Variants in COL6A5 observed in about 807,000 individuals in gnomAD.
The protein encoded by COL6A5 is collagen alpha-5(VI) chain.
In COL6A5, 48 loss-of-function variants were observed where a neutral mutation model predicts 65.6. The ratio of observed to expected loss-of-function variants is 0.73; its 90% CI spans 0.58 to 0.93. The LOEUF is 0.93. COL6A5 is among the 40% of genes least tolerant of loss of function. The pLI is 0.00. For missense variants in COL6A5, 914 were observed against 928.3 expected (o/e 0.98, Z 0.20); for synonymous variants, 291 against 322.8 (o/e 0.90, Z 1.05).
chr3:130,363,561 T>C (rs1482009186), intron 1 of COL6A5, among the ~76,000 whole-genome samples: 1 of 152,204 alleles, frequency 6.6e-6, no homozygotes, highest in Non-Finnish European at 1.5e-5. Context: ...CCCAGCAGGT[T>C]GAGTTCTGGT....
intron 3 of COL6A5, among the ~76,000 whole-genome samples, chr3:130,441,573 A>T (rs1709182112): frequency 6.6e-6 from 1 of 152,174 alleles, no homozygotes. Flanking sequence ...GTCTGCAAAG[A>T]ACTAGAAATA....
At chr3:130,460,788 A>T (rs1709685768) in intron 5 of COL6A5, among the ~76,000 whole-genome samples, 2 of 151,120 alleles carry the variant, frequency 1.3e-5, no homozygotes, top group Admixed American at 1.3e-4. Context: ...TGATGGAGAT[A>T]AAAGTATGAA....
exon 8 of COL6A5, chr3:130,484,204 A>G (rs971733209): frequency 1.5e-6 from 1 of 687,500 alleles, no homozygotes; most frequent in Non-Finnish European, 2.3e-6. Context: ...TTTGTTCTCC[A>G]TCTCAAATCT....
intron 1 of COL6A5, among the ~76,000 whole-genome samples, chr3:130,364,212 A>G (rs1166842109): frequency 1.3e-5 from 2 of 152,182 alleles, no homozygotes; most frequent in Non-Finnish European, 2.9e-5. Flanking sequence ...CAGAAAAATA[A>G]TTTCTAATTT....
At chr3:130,402,437 G>A (rs867759855) in intron 12 of COL6A5, among the ~76,000 whole-genome samples, 21 of 152,150 alleles carry the variant, frequency 1.4e-4, no homozygotes, top group Non-Finnish European at 2.1e-4. Context: ...AATAAAATAT[G>A]TCAATGAAAA....
intron 5 of COL6A5, among the ~76,000 whole-genome samples, chr3:130,466,470 A>C (rs546039183): frequency 2.0e-5 from 3 of 152,154 alleles, no homozygotes; most frequent in Admixed American, 6.5e-5. Flanking sequence ...CCACTTAAGC[A>C]GTACTTACGG....
Position 130,401,911 on chromosome 3 carries a change from G to T in COL6A5, c.4227+57G>T, listed in dbSNP as rs533777656. On this transcript the variant is annotated intron_variant and NMD_transcript_variant, in intron 12 of 41. Transcript: ENST00000312481. ...ATGTGCCTTGATTTGGTACAGGTGGGACTGAGACTGAGTGGTTGAATTTAC... is the reference window on the plus strand; with the variant it reads ...ATGTGCCTTGATTTGGTACAGGTGGTACTGAGACTGAGTGGTTGAATTTAC... 1.5e-5 allele frequency: 18 copies of T among 1,223,166 alleles called. 1 individual carries two copies. In the Admixed American group the frequency reaches 3.4e-4, roughly 23 times the overall value. 75.8% of individuals were successfully genotyped at this position (1,223,166 alleles called of 1,614,324 possible).
At chr3:130,384,849 G>C in exon 5 of COL6A5, 2 of 1,550,244 alleles carry the variant, frequency 1.3e-6, no homozygotes. Flanking sequence ...CTCATTGATG[G>C]CTCAAGCAGC....
chr3:130,405,862 T>A, intron 14 of COL6A5, 131 bp from the exon 15 acceptor site: 1 of 992,188 alleles, frequency 1.0e-6, no homozygotes, highest in Non-Finnish European at 1.5e-6. Context: ...ATAAATTGCA[T>A]CTCTAACCTC....
chr3:130,376,671 G>A (rs772943230), exon 3 of COL6A5: 37 of 1,613,420 alleles, frequency 2.3e-5, no homozygotes, highest in Admixed American at 3.3e-5. Flanking sequence ...TATCTCCGTG[G>A]GGGTGCAGAA....
chr3:130,393,877 G>A (rs1038186607), intron 7 of COL6A5, among the ~76,000 whole-genome samples: 2 of 152,202 alleles, frequency 1.3e-5, no homozygotes, highest in African/African-American at 2.4e-5. Flanking sequence ...TCTCTATAGT[G>A]AGACAGACCC....
At chr3:130,436,238 T>G (rs2107698920) in intron 1 of COL6A5, among the ~76,000 whole-genome samples, 1 of 151,000 alleles carries the variant, frequency 6.6e-6, no homozygotes, top group South Asian at 2.1e-4. Context: ...CTTTTAATAG[T>G]TTAATATATT....
intron 7 of COL6A5, among the ~76,000 whole-genome samples, chr3:130,476,288 G>A (rs192825287): frequency 5.3e-4 from 81 of 152,096 alleles, no homozygotes; most frequent in Non-Finnish European, 1.0e-3. Flanking sequence ...TAAAATCAGG[G>A]CTTCACCCTT....
At position 130,483,519 on chromosome 3, in the gene COL6A5, G is replaced by A. The variant is rs552543252; in HGVS notation, c.2329-516G>A. Among the ~76,000 whole-genome samples, 445 of 152,276 alleles carry A rather than the reference G, an allele frequency of 2.9e-3. 1 individual carries two copies. Among genetic ancestry groups the A allele is most frequent in the African/African-American group, 9.3e-3 (385 of 41,572 alleles). ...TGCTGTGGAGAGAATGTAAACTCCA[G>A]GTGCTCATAGTGCATGTAGTTAAAG... On this transcript the variant is annotated intron_variant, in intron 7 of 7. Coordinates refer to ENST00000512836, the Ensembl canonical transcript of COL6A5.
rs143820188 is a variant in COL6A5, at chr3:130,358,780, A to C, written c.-29+12799A>C. On this transcript the variant is annotated intron_variant and NMD_transcript_variant, in intron 1 of 41. Transcript: ENST00000312481. Reference sequence around the variant, plus strand: ...TTGCTGCAGTTGTCTAATATTGGCCATAATTTTAGATATACATTCGTTTTG... The same window carrying C: ...TTGCTGCAGTTGTCTAATATTGGCCCTAATTTTAGATATACATTCGTTTTG... Among the ~76,000 whole-genome samples, 11 of 152,344 alleles carry C rather than the reference A, an allele frequency of 7.2e-5. No homozygotes were observed. In the East Asian group the frequency reaches 1.3e-3, roughly 19 times the overall value.
intron 1 of COL6A5, among the ~76,000 whole-genome samples, chr3:130,372,638 G>A (rs1332249899): frequency 2.0e-5 from 3 of 152,138 alleles, no homozygotes; most frequent in African/African-American, 7.2e-5. Context: ...GAGAAAGCAA[G>A]TAGATCAGTG....
chr3:130,419,329 G>T (rs989583475), intron 25 of COL6A5, among the ~76,000 whole-genome samples: 1 of 152,140 alleles, frequency 6.6e-6, no homozygotes, highest in Non-Finnish European at 1.5e-5. Context: ...ACATTTTTAT[G>T]CCTGCACTCT....
At chr3:130,394,891 C>A in exon 8 of COL6A5, 2 of 1,545,892 alleles carry the variant, frequency 1.3e-6, no homozygotes, top group South Asian at 2.4e-5. Context: ...CTATTGCAGT[C>A]TGTCATCTTC....
intron 1 of COL6A5, among the ~76,000 whole-genome samples, chr3:130,434,228 G>A (rs894480490): frequency 6.6e-6 from 1 of 152,088 alleles, no homozygotes; most frequent in Non-Finnish European, 1.5e-5. Flanking sequence ...GGGGATGATG[G>A]CTTCCAGCTT....
Sources: allele counts gnomAD v4.1 joint callset (sites outside exome capture counted in the v4.1 genomes callset), GRCh38; gene constraint gnomAD v4.1.1; transcripts MANE v1.5; gene names NCBI Gene and HGNC (gene_info 2026-07-23, HGNC 2026-07-21).